PDE3A: variants seen among roughly 807,000 people sequenced by gnomAD.
PDE3A encodes the protein cGMP-inhibited 3',5'-cyclic phosphodiesterase 3A.
PDE3A carries 43 observed loss-of-function variants against 98.3 expected under a neutral mutation model. The observed-to-expected ratio is 0.44, with a 90% confidence interval of 0.34 to 0.56. The LOEUF (loss-of-function observed/expected upper bound fraction) is 0.56. PDE3A is among the 20% of genes least tolerant of loss of function. The probability of loss-of-function intolerance (pLI) is 0.01; values close to 1 mark genes in which losing one functional copy is unlikely to be tolerated. For missense variants in PDE3A, 1,427 were observed against 1,440.7 expected (o/e 0.99, Z 0.15); for synonymous variants, 663 against 567.9 (o/e 1.17, Z -2.38).
In PDE3A at chr12:20,503,794, A is replaced by G. The variant is rs1412232921; in HGVS notation, c.961-52866A>G. Among the ~76,000 whole-genome samples, 3 of 152,086 alleles carry G rather than the reference A, an allele frequency of 2.0e-5. No individual in the cohort carries two copies. In the South Asian group the frequency reaches 6.2e-4, roughly 31 times the overall value. On this transcript the variant is annotated intron_variant, in intron 1 of 15. Coordinates refer to ENST00000359062, the MANE Select transcript of PDE3A (RefSeq NM_000921.5). Reference sequence around the variant, plus strand: ...TCATATTCTTTAGAATTTATAAACCACCCTAGAATTTATAAACCACCTTTA... The same window carrying G: ...TCATATTCTTTAGAATTTATAAACCGCCCTAGAATTTATAAACCACCTTTA...
At chr12:20,492,182 C>T (rs1206685245) in intron 1 of PDE3A, among the ~76,000 whole-genome samples, 1 of 152,106 alleles carries the variant, frequency 6.6e-6, no homozygotes, top group African/African-American at 2.4e-5. Context: ...GGTTTCACCA[C>T]GTTGTCCAAG....
At chr12:20,671,104 A>T (rs1246637905) in intron 15 of PDE3A, among the ~76,000 whole-genome samples, 1 of 140,538 alleles carries the variant, frequency 7.1e-6, no homozygotes, top group Non-Finnish European at 1.5e-5. Context: ...TCTAGAAGAA[A>T]TGGATAAATT....
chr12:20,602,087 T>G (rs923974946), intron 2 of PDE3A, among the ~76,000 whole-genome samples: 4 of 152,242 alleles, frequency 2.6e-5, no homozygotes, highest in Non-Finnish European at 5.9e-5. Flanking sequence ...AAGTTCTCTT[T>G]GCTTCCTGTT....
At position 20,646,494 on chromosome 12, in the gene PDE3A, T is replaced by C. The variant is rs1228062506; in HGVS notation, c.2256T>C (p.His752=). The C allele has an allele frequency of 6.4e-7, 1 of 1,568,316 alleles. No homozygotes were observed. Among genetic ancestry groups the C allele is most frequent in the South Asian group, 1.1e-5 (1 of 90,122 alleles). ...GTTCCTGTTCACTGGTTACAGATCA[T>C]AACAGAATCCATGCCACTGATGTTT... ...LEIGYRDIPY[H]NRIHATDVLH... is the part of the protein sequence containing the mutation. Residue 752 remains histidine, a synonymous_variant, in exon 11 of 16, where the codon CAT becomes CAC. Coordinates refer to ENST00000359062, the MANE Select transcript of PDE3A (RefSeq NM_000921.5).
chr12:20,490,458 G>A (rs1945808372), intron 1 of PDE3A, among the ~76,000 whole-genome samples: 1 of 152,154 alleles, frequency 6.6e-6, no homozygotes, highest in South Asian at 2.1e-4. Context: ...AGTTACATGA[G>A]CACATTGTGT....
intron 1 of PDE3A, among the ~76,000 whole-genome samples, chr12:20,418,374 A>G (rs1018516884): frequency 6.6e-6 from 1 of 152,124 alleles, no homozygotes; most frequent in African/African-American, 2.4e-5. Flanking sequence ...GACTGATTCC[A>G]TTGGTTCTGA....
intron 10 of PDE3A, among the ~76,000 whole-genome samples, chr12:20,643,450 A>G (rs1365829410): frequency 6.6e-6 from 1 of 152,302 alleles, no homozygotes; most frequent in Non-Finnish European, 1.5e-5. Flanking sequence ...ACTTGGCATA[A>G]TACTGAGTAC....
At chr12:20,523,984 A>T (rs1232922119) in intron 1 of PDE3A, among the ~76,000 whole-genome samples, 1 of 152,142 alleles carries the variant, frequency 6.6e-6, no homozygotes, top group Non-Finnish European at 1.5e-5. Flanking sequence ...ATTTAACAAA[A>T]ATTTAAAGGG....
chr12:20,410,664 A>C (rs1022083197), intron 1 of PDE3A, among the ~76,000 whole-genome samples: 6 of 152,160 alleles, frequency 3.9e-5, no homozygotes, highest in Admixed American at 1.3e-4. Flanking sequence ...GTGTCCTGTG[A>C]TATCATTTTT....
chr12:20,627,382 C>T (rs1944288545), intron 5 of PDE3A, among the ~76,000 whole-genome samples: 1 of 151,104 alleles, frequency 6.6e-6, no homozygotes. Context: ...CAGACTTGCC[C>T]AGCAACCTCT....
At chr12:20,598,926 C>A (rs1477694078) in intron 2 of PDE3A, among the ~76,000 whole-genome samples, 4 of 152,122 alleles carry the variant, frequency 2.6e-5, no homozygotes, top group African/African-American at 9.7e-5. Flanking sequence ...TTCTTCTATG[C>A]CACACCTTAA....
At chr12:20,591,675 GTTA>G (rs2121378315) in intron 2 of PDE3A, among the ~76,000 whole-genome samples, 1 of 152,310 alleles carries the variant, frequency 6.6e-6, no homozygotes, top group East Asian at 1.9e-4. Flanking sequence ...GTAGAGAGGT[GTTA>G]TTCTTTTTTC....
intron 15 of PDE3A, among the ~76,000 whole-genome samples, chr12:20,669,271 T>C (rs1471312830): frequency 3.3e-5 from 5 of 152,112 alleles, no homozygotes; most frequent in South Asian, 2.1e-4. Flanking sequence ...TTGGAAAACA[T>C]GCTGCAGGAT....
chr12:20,674,470 C>T (rs1457510318), intron 15 of PDE3A, among the ~76,000 whole-genome samples: 1 of 152,032 alleles, frequency 6.6e-6, no homozygotes, highest in Non-Finnish European at 1.5e-5. Flanking sequence ...CATGTTCCTT[C>T]CTAGTATTTT....
intron 1 of PDE3A, among the ~76,000 whole-genome samples, chr12:20,530,509 A>C (rs1946605969): frequency 6.7e-6 from 1 of 148,806 alleles, no homozygotes; most frequent in Non-Finnish European, 1.5e-5. Context: ...TTTTTTTAAG[A>C]GATGGGGTCT....
intron 2 of PDE3A, among the ~76,000 whole-genome samples, chr12:20,573,882 T>C (rs1942864841): frequency 6.6e-6 from 1 of 152,132 alleles, no homozygotes; most frequent in South Asian, 2.1e-4. Context: ...CCAAACAGTC[T>C]TGTAAATGTG....
intron 15 of PDE3A, among the ~76,000 whole-genome samples, chr12:20,662,944 G>T (rs4411318): frequency 0.55 from 83,757 of 151,910 alleles, 24,221 homozygotes; most frequent in East Asian, 0.73. Flanking sequence ...TAGACCCAGA[G>T]GCCTAGGCAG....
intron 2 of PDE3A, among the ~76,000 whole-genome samples, chr12:20,610,069 TTC>T (rs1943810505): frequency 6.6e-6 from 1 of 151,858 alleles, no homozygotes; most frequent in African/African-American, 2.4e-5. Context: ...ACTAAATAGC[TTC>T]TGCACAGGAA....
intron 1 of PDE3A, among the ~76,000 whole-genome samples, chr12:20,386,153 AAATATATATAAATATATAAAAATATATAT>A (rs1474827247): frequency 2.8e-5 from 1 of 35,200 alleles, no homozygotes; most frequent in Non-Finnish European, 5.7e-5. Flanking sequence ...ATATATATAT[AAATATATATAAATATATAAAAATATATAT>A]AAATATATAT....
Sources: gnomAD v4.1 joint callset for allele counts (sites outside exome capture counted in the v4.1 genomes callset) on GRCh38, gnomAD v4.1.1 for gene constraint, MANE v1.5 for transcripts, NCBI Gene and HGNC (gene_info 2026-07-23, HGNC 2026-07-21) for gene names.